The following GHR variants were observed in gnomAD, a reference collection of about 807,000 sequenced individuals.
GHR encodes GH receptor.
In GHR, 35 loss-of-function variants were observed where a neutral mutation model predicts 67.1. The ratio of observed to expected loss-of-function variants is 0.52; its 90% CI spans 0.40 to 0.69. GHR has a LOEUF of 0.69. GHR is among the 30% of genes least tolerant of loss of function. The pLI is 0.00. For missense variants in GHR, 792 were observed against 764.6 expected, an observed-to-expected ratio of 1.04 and a Z score of -0.42; for synonymous variants, 272 against 269.1, an observed-to-expected ratio of 1.01 and a Z score of -0.10.
chr5:42,441,816 G>A (rs2095232640), intron 1 of GHR, among the ~76,000 whole-genome samples: 1 of 152,280 alleles, frequency 6.6e-6, no homozygotes, highest in Non-Finnish European at 1.5e-5. Context: ...GCCAGGAGGA[G>A]TATTTTTTAA....
At chr5:42,609,084 G>T (rs1752764734) in intron 2 of GHR, among the ~76,000 whole-genome samples, 1 of 152,140 alleles carries the variant, frequency 6.6e-6, no homozygotes, top group African/African-American at 2.4e-5. Flanking sequence ...CTATGTACAA[G>T]AGGGGTGATA....
At chr5:42,615,998 T>C (rs779420446) in intron 2 of GHR, among the ~76,000 whole-genome samples, 12 of 152,086 alleles carry the variant, frequency 7.9e-5, no homozygotes, top group Non-Finnish European at 1.8e-4. Flanking sequence ...CTTATGCTGC[T>C]TGCTTACAAC....
chr5:42,540,058 G>A (rs766221151), intron 1 of GHR, among the ~76,000 whole-genome samples: 31 of 152,136 alleles, frequency 2.0e-4, no homozygotes, highest in Middle Eastern at 6.8e-3. Context: ...CTGCACATTC[G>A]AATAATCATT....
At chr5:42,659,164 G>A (rs1170613688) in intron 3 of GHR, 2 of 152,126 alleles carry the variant, frequency 1.3e-5, no homozygotes, top group Non-Finnish European at 2.9e-5. Context: ...TTATTTTTCA[G>A]CAACTGTATA....
chr5:42,581,735 G>A (rs923557279), intron 2 of GHR, among the ~76,000 whole-genome samples: 1 of 152,196 alleles, frequency 6.6e-6, no homozygotes, highest in African/African-American at 2.4e-5. Context: ...GGCTGTGGTT[G>A]TGCCCTCCAC....
At chr5:42,565,580 T>C in intron 1 of GHR, 7 of 985,434 alleles carry the variant, frequency 7.1e-6, no homozygotes, top group Non-Finnish European at 7.2e-6. Context: ...GGTCGTTTGC[T>C]GTGAGGTGTT....
At chr5:42,446,444 C>T (rs1322943542) in intron 1 of GHR, among the ~76,000 whole-genome samples, 1 of 152,180 alleles carries the variant, frequency 6.6e-6, no homozygotes, top group East Asian at 1.9e-4. Flanking sequence ...TGTTCGAGGG[C>T]AGGTGAAGGG....
At chr5:42,478,906 A>T (rs1033983954) in intron 1 of GHR, among the ~76,000 whole-genome samples, 5 of 152,162 alleles carry the variant, frequency 3.3e-5, no homozygotes, top group Admixed American at 2.0e-4. Flanking sequence ...CCCTGGCCAG[A>T]ACTTCCAACA....
chr5:42,506,953 C>G (rs976389881), intron 1 of GHR, among the ~76,000 whole-genome samples: 3 of 152,292 alleles, frequency 2.0e-5, no homozygotes, highest in East Asian at 3.9e-4. Context: ...AACTGCTAAT[C>G]TTGGGTAAAT....
At chr5:42,701,899 C>T (rs1008817586) in intron 6 of GHR, among the ~76,000 whole-genome samples, 4 of 151,712 alleles carry the variant, frequency 2.6e-5, no homozygotes, top group Non-Finnish European at 5.9e-5. Flanking sequence ...GGAAATGATC[C>T]ATTCAAAGTA....
At chr5:42,553,015 A>G (rs1392981162) in intron 1 of GHR, among the ~76,000 whole-genome samples, 1 of 152,230 alleles carries the variant, frequency 6.6e-6, no homozygotes, top group African/African-American at 2.4e-5. Flanking sequence ...TGCCCCTCTC[A>G]ATATTGACAT....
intron 1 of GHR, among the ~76,000 whole-genome samples, chr5:42,428,403 G>C (rs919958700): frequency 6.6e-6 from 1 of 152,184 alleles, no homozygotes; most frequent in Non-Finnish European, 1.5e-5. Flanking sequence ...CTCTGGGCCT[G>C]TGATGTGAGG....
Position 42,437,159 on chromosome 5 carries a change from G to C in GHR, c.-12+13204G>C, listed in dbSNP as rs1743362471. On this transcript the variant is annotated intron_variant, in intron 1 of 9. Coordinates refer to ENST00000230882, the MANE Select transcript of GHR (RefSeq NM_000163.5). Reference sequence around the variant, plus strand: ...TTTTCTTCCTAGAAGGAATAAGCTGGGATTGGCCAAAAGGTAATCCCTTTA... The same window carrying C: ...TTTTCTTCCTAGAAGGAATAAGCTGCGATTGGCCAAAAGGTAATCCCTTTA... 2.0e-5 allele frequency among the ~76,000 whole-genome samples: 3 copies of C among 152,118 alleles called. No individual in the cohort carries two copies. In the East Asian group the frequency reaches 5.8e-4, roughly 29 times the overall value.
At chr5:42,718,314 C>A (rs1408972667) in intron 9 of GHR, 139 bp from the exon 10 acceptor site, 3 of 742,604 alleles carry the variant, frequency 4.0e-6, no homozygotes, top group Admixed American at 2.5e-5. Flanking sequence ...AAAAGTTACA[C>A]ACTAATTTAT....
At chr5:42,569,020 A>G (rs1203679249) in intron 2 of GHR, among the ~76,000 whole-genome samples, 1 of 152,216 alleles carries the variant, frequency 6.6e-6, no homozygotes, top group Admixed American at 6.5e-5. Flanking sequence ...CACACTTTAT[A>G]GAAGTGATGA....
intron 2 of GHR, among the ~76,000 whole-genome samples, chr5:42,621,340 T>G (rs1208558347): frequency 1.3e-5 from 2 of 152,150 alleles, no homozygotes; most frequent in Non-Finnish European, 2.9e-5. Context: ...TACTGCACCT[T>G]TAACTGGCCT....
At chr5:42,465,995 C>G in intron 1 of GHR, 1 of 603,298 alleles carries the variant, frequency 1.7e-6, no homozygotes, top group Non-Finnish European at 3.0e-6. Flanking sequence ...TCCAACTTGT[C>G]TTATTCCTTC....
intron 2 of GHR, among the ~76,000 whole-genome samples, chr5:42,588,070 T>A (rs1751578399): frequency 2.6e-5 from 4 of 152,190 alleles, no homozygotes. Flanking sequence ...TTGTTTAAAA[T>A]TGTGAAAATT....
chr5:42,546,621 A>G (rs938404038), intron 1 of GHR, among the ~76,000 whole-genome samples: 3 of 152,236 alleles, frequency 2.0e-5, no homozygotes, highest in Non-Finnish European at 4.4e-5. Context: ...TAGTTAGTCC[A>G]AGTCATGGAT....
Sources: allele counts gnomAD v4.1 joint callset (sites outside exome capture counted in the v4.1 genomes callset), GRCh38; gene constraint gnomAD v4.1.1; transcripts MANE v1.5; gene names NCBI Gene and HGNC (gene_info 2026-07-23, HGNC 2026-07-21).